COMMD1: variants seen among roughly 807,000 people sequenced by gnomAD.
COMMD1 encodes the protein copper metabolism domain containing 1.
A neutral mutation model predicts 17.2 loss-of-function variants in COMMD1; 10 were observed. The ratio of observed to expected loss-of-function variants is 0.58; its 90% confidence interval spans 0.36 to 0.99. COMMD1 has a LOEUF of 0.99. Among genes scored for constraint, COMMD1 ranks in the 50% least tolerant of loss-of-function variants. The probability of loss-of-function intolerance (pLI) is 0.01; values close to 1 mark genes in which losing one functional copy is unlikely to be tolerated. For missense variants in COMMD1, 270 were observed against 231.8 expected (o/e 1.17, Z -1.07); for synonymous variants, 97 against 91.6 (o/e 1.06, Z -0.34).
At chr2:61,991,495 G>A (rs958179012) in intron 1 of COMMD1, among the ~76,000 whole-genome samples, 4 of 152,168 alleles carry the variant, frequency 2.6e-5, no homozygotes, top group Non-Finnish European at 5.9e-5. Flanking sequence ...ACTCTGTTGG[G>A]TCAAATAGAC....
chr2:61,950,659 G>C (rs1212651532), intron 1 of COMMD1, among the ~76,000 whole-genome samples: 1 of 152,150 alleles, frequency 6.6e-6, no homozygotes, highest in African/African-American at 2.4e-5. Context: ...TGTGCTTTGG[G>C]AACATAACTA....
chr2:61,954,068 A>C (rs1335372735), intron 1 of COMMD1, among the ~76,000 whole-genome samples: 3 of 152,042 alleles, frequency 2.0e-5, no homozygotes, highest in African/African-American at 7.2e-5. Context: ...AAATAAAAAA[A>C]TTAGCTGGCA....
rs1346572460 is a variant in COMMD1, at chr2:62,078,878, G to A, written c.463-56953G>A. Among the ~76,000 whole-genome samples the A allele has an allele frequency of 5.8e-3, 562 of 96,570 alleles. 1 individual carries two copies. The highest frequency in any genetic ancestry group is 0.013 in the African/African-American group (335 of 26,156). 63.4% of individuals were successfully genotyped at this position (96,570 alleles called of 152,430 possible). A position where few individuals can be genotyped will look rare whatever the true frequency, so the allele number is the denominator to read the frequency against. On this transcript the variant is annotated intron_variant, in intron 2 of 2. Transcript: ENST00000311832. ...GGCAACAGAGTGAGACTCCATCTCAGAAAAAAAAAAAAAAAAGAATTGTGG... is the reference window on the plus strand; with the variant it reads ...GGCAACAGAGTGAGACTCCATCTCAAAAAAAAAAAAAAAAAAGAATTGTGG...
In COMMD1 at chr2:61,959,289, CAGGAAAGGAAATAATGCTAGGACA is replaced by C. The variant is rs564632130; in HGVS notation, c.181-41401_181-41378del. On this transcript the variant is annotated intron_variant, in intron 1 of 2. Transcript: ENST00000311832. ...TTTTTCAGTAACTTGTAAAGATTAT[CAGGAAAGGAAATAATGCTAGGACA>C]AGGAAAGGAAGGTCCATGTTCAATG... Among the ~76,000 whole-genome samples the C allele has an allele frequency of 1.7e-3, 255 of 151,958 alleles. 1 individual carries two copies. The highest frequency in any genetic ancestry group is 0.012 in the South Asian group (57 of 4,802).
At chr2:62,013,399 C>T (rs897640856) in intron 2 of COMMD1, among the ~76,000 whole-genome samples, 29 of 152,334 alleles carry the variant, frequency 1.9e-4, no homozygotes, top group African/African-American at 7.0e-4. Context: ...ATGGACTTCT[C>T]ACAATCTCCA....
chr2:61,891,306 A>C (rs1447117507), intron 1 of COMMD1, among the ~76,000 whole-genome samples: 2 of 152,258 alleles, frequency 1.3e-5, no homozygotes, highest in Admixed American at 1.3e-4. Context: ...TTCAAGTTAC[A>C]AACATTTCTT....
intron 1 of COMMD1, among the ~76,000 whole-genome samples, chr2:61,998,738 A>G (rs569138021): frequency 1.6e-4 from 25 of 152,134 alleles, no homozygotes; most frequent in Non-Finnish European, 3.5e-4. Flanking sequence ...AAAATCAGAT[A>G]TGTGTGACTT....
At chr2:61,994,367 G>A (rs1012605751) in intron 1 of COMMD1, among the ~76,000 whole-genome samples, 11 of 152,162 alleles carry the variant, frequency 7.2e-5, no homozygotes, top group African/African-American at 2.7e-4. Context: ...AATGTTTATT[G>A]AATTGTAATG....
intron 2 of COMMD1, among the ~76,000 whole-genome samples, chr2:62,046,669 A>G (rs939758897): frequency 6.6e-6 from 1 of 152,248 alleles, no homozygotes; most frequent in African/African-American, 2.4e-5. Flanking sequence ...ATTTTCCTTC[A>G]ATGAATTTTG....
intron 1 of COMMD1, among the ~76,000 whole-genome samples, chr2:61,972,242 T>A (rs1396128217): frequency 6.6e-6 from 1 of 152,192 alleles, no homozygotes; most frequent in Non-Finnish European, 1.5e-5. Context: ...TGGGGAATGA[T>A]GAAAAATGAA....
chr2:62,066,215 A>C (rs144958832), intron 2 of COMMD1, among the ~76,000 whole-genome samples: 82 of 152,304 alleles, frequency 5.4e-4, no homozygotes, highest in African/African-American at 1.9e-3. Flanking sequence ...AATGACCCAC[A>C]GATACTCCCT....
intron 2 of COMMD1, chr2:62,070,146 T>A (rs1351706042): frequency 6.6e-6 from 1 of 152,202 alleles, no homozygotes; most frequent in African/African-American, 2.4e-5. Flanking sequence ...TCAGGCTCTA[T>A]AATTAGAACA....
chr2:61,958,626 C>T (rs865887556), intron 1 of COMMD1, among the ~76,000 whole-genome samples: 1 of 152,158 alleles, frequency 6.6e-6, no homozygotes, highest in Non-Finnish European at 1.5e-5. Flanking sequence ...GATTTTTGTA[C>T]TCACATGTAG....
At chr2:62,001,234 C>G in intron 2 of COMMD1, 2 of 478,622 alleles carry the variant, frequency 4.2e-6, no homozygotes, top group Non-Finnish European at 7.6e-6. Context: ...TGCTCAGAAG[C>G]TGACCACTAC....
intron 1 of COMMD1, among the ~76,000 whole-genome samples, chr2:61,944,597 G>T (rs1436023289): frequency 1.3e-5 from 2 of 152,186 alleles, no homozygotes; most frequent in East Asian, 3.8e-4. Context: ...TAACTTTGTA[G>T]CTCTCATCTG....
At position 62,092,454 on chromosome 2, in the gene COMMD1, C is replaced by T. The variant is rs149282723; in HGVS notation, c.463-43377C>T. On this transcript the variant is annotated intron_variant, in intron 2 of 2. Coordinates refer to ENST00000311832, the MANE Select transcript of COMMD1 (RefSeq NM_152516.4). The stretch of plus-strand genomic sequence containing the variant: ...GGTGTCAGAGACTGGTTCAGAAGTC[C>T]AGGGGCGGTCAGGAAAGTGGTCAAG... Among the ~76,000 whole-genome samples the T allele has an allele frequency of 6.8e-4, 103 of 152,206 alleles. 2 individuals carry two copies. In the East Asian group the frequency reaches 0.019, roughly 27 times the overall value.
chr2:62,111,469 C>G (rs1672452905), intron 2 of COMMD1, among the ~76,000 whole-genome samples: 1 of 152,140 alleles, frequency 6.6e-6, no homozygotes, highest in South Asian at 2.1e-4. Flanking sequence ...AGGGGGGAAG[C>G]CCAGCAAGGC....
chr2:62,072,145 C>T (rs916307233), intron 2 of COMMD1, among the ~76,000 whole-genome samples: 5 of 152,044 alleles, frequency 3.3e-5, no homozygotes, highest in East Asian at 1.9e-4. Context: ...TATGAGCCAC[C>T]TCCCCATGCT....
chr2:62,005,943 C>G (rs1042315260), intron 2 of COMMD1, among the ~76,000 whole-genome samples: 5 of 151,606 alleles, frequency 3.3e-5, no homozygotes, highest in African/African-American at 7.3e-5. Context: ...TTGGAACCAA[C>G]CCAAATGTCC....
Sources: allele counts gnomAD v4.1 joint callset (sites outside exome capture counted in the v4.1 genomes callset), GRCh38; gene constraint gnomAD v4.1.1; transcripts MANE v1.5; gene names NCBI Gene and HGNC (gene_info 2026-07-23, HGNC 2026-07-21).